Variants in CADPS2 observed in about 807,000 individuals in gnomAD.
The protein encoded by CADPS2 is calcium-dependent secretion activator 2.
Under a neutral mutation model 172.5 loss-of-function variants are expected in CADPS2, and 93 were observed. The observed-to-expected ratio is 0.54, with a 90% CI of 0.46 to 0.64. CADPS2 has a LOEUF of 0.64. Ranked by LOEUF, CADPS2 falls within the 30% of genes least tolerant of loss-of-function variation. CADPS2 has a pLI of 0.00. For missense variants in CADPS2, 1,420 were observed against 1,565.9 expected (o/e 0.91, Z 1.57); for synonymous variants, 546 against 555.2 (o/e 0.98, Z 0.23).
intron 17 of CADPS2, among the ~76,000 whole-genome samples, chr7:122,435,595 T>C (rs181927100): frequency 1.7e-3 from 266 of 152,254 alleles, no homozygotes; most frequent in African/African-American, 5.9e-3. Flanking sequence ...GTGCAGCCAC[T>C]ATGAAAAATA....
At chr7:122,625,360 T>A (rs989892675) in intron 4 of CADPS2, among the ~76,000 whole-genome samples, 1 of 152,198 alleles carries the variant, frequency 6.6e-6, no homozygotes, top group Non-Finnish European at 1.5e-5. Context: ...CAATTAATTT[T>A]GTTTGTCAGT....
chr7:122,388,494 G>A, intron 23 of CADPS2, 89 bp downstream of exon 23: 7 of 1,266,834 alleles, frequency 5.5e-6, no homozygotes, highest in Non-Finnish European at 7.4e-6. Flanking sequence ...TGAAACCTTT[G>A]CTGTGACAAT....
chr7:122,502,479 A>G (rs1379295737), intron 9 of CADPS2, among the ~76,000 whole-genome samples: 3 of 151,978 alleles, frequency 2.0e-5, no homozygotes, highest in African/African-American at 7.2e-5. Context: ...AGTTTCTTTA[A>G]AAGTTTTAAA....
intron 1 of CADPS2, among the ~76,000 whole-genome samples, chr7:122,761,855 G>T (rs150955406): frequency 6.7e-6 from 1 of 149,620 alleles, no homozygotes; most frequent in African/African-American, 2.5e-5. Context: ...AAAATTAGCC[G>T]GGTGTGGTGG....
Position 122,595,160 on chromosome 7 carries a change from CAA to C in CADPS2, c.1224-13872_1224-13871del, listed in dbSNP as rs36106438. Reference sequence around the variant, plus strand: ...AAAGAGTTAGATGTGTTATATGAACCAAAAAAAAAAAAATCCTTTCAAATGTA... The same window carrying C: ...AAAGAGTTAGATGTGTTATATGAACCAAAAAAAAAAATCCTTTCAAATGTA... On this transcript the variant is annotated intron_variant, in intron 6 of 29. Coordinates refer to ENST00000449022, the MANE Select transcript of CADPS2 (RefSeq NM_017954.11). Among the ~76,000 whole-genome samples the C allele has an allele frequency of 1.6e-3, 210 of 131,286 alleles. 2 individuals are homozygous for C. Among genetic ancestry groups the C allele is most frequent in the Admixed American group, 0.013 (164 of 12,952 alleles). 86.1% of individuals were successfully genotyped at this position (131,286 alleles called of 152,430 possible). A position where few individuals can be genotyped will look rare whatever the true frequency, so the allele number is the denominator to read the frequency against.
At chr7:122,696,349 G>C (rs1267059134) in intron 2 of CADPS2, among the ~76,000 whole-genome samples, 1 of 152,144 alleles carries the variant, frequency 6.6e-6, no homozygotes, top group African/African-American at 2.4e-5. Context: ...TTTCAAAGAA[G>C]AGCTCTTGTG....
intron 13 of CADPS2, among the ~76,000 whole-genome samples, chr7:122,472,388 T>C (rs1260979393): frequency 6.6e-6 from 1 of 152,018 alleles, no homozygotes; most frequent in Non-Finnish European, 1.5e-5. Context: ...AGAAGAACCA[T>C]CAGGTGTGGT....
chr7:122,328,997 T>C (rs2034443386), intron 28 of CADPS2, among the ~76,000 whole-genome samples: 1 of 152,124 alleles, frequency 6.6e-6, no homozygotes, highest in African/African-American at 2.4e-5. Flanking sequence ...GAAGGTGGTA[T>C]TGACAATGAA....
intron 2 of CADPS2, among the ~76,000 whole-genome samples, chr7:122,726,716 T>C (rs1170649214): frequency 2.2e-5 from 3 of 139,476 alleles, no homozygotes; most frequent in Non-Finnish European, 3.1e-5. Flanking sequence ...TTAAAAACTT[T>C]TAAAAAAGAA....
In CADPS2 at chr7:122,880,260, T is replaced by A. The variant is rs959290090; in HGVS notation, c.339+5739A>T. Among the ~76,000 whole-genome samples, 3 of 152,274 alleles carry A rather than the reference T, an allele frequency of 2.0e-5. No homozygotes were observed. In the East Asian group the frequency reaches 5.8e-4, roughly 29 times the overall value. On this transcript the variant is annotated intron_variant, in intron 1 of 29. Coordinates refer to ENST00000449022, the MANE Select transcript of CADPS2 (RefSeq NM_017954.11). ...CTTACCCTAAGCATTCAATATATAC[T>A]TTCTGTTGCTAATGTGGTGATTTAT...
chr7:122,509,875 ACTTG>A (rs1419010760), intron 9 of CADPS2, among the ~76,000 whole-genome samples: 1 of 152,164 alleles, frequency 6.6e-6, no homozygotes, highest in East Asian at 1.9e-4. Context: ...GCCACAAAGT[ACTTG>A]CTTAATAAGT....
intron 27 of CADPS2, among the ~76,000 whole-genome samples, chr7:122,353,375 A>G (rs1227722609): frequency 1.3e-5 from 2 of 152,160 alleles, no homozygotes; most frequent in Non-Finnish European, 2.9e-5. Flanking sequence ...GATAAGAGAA[A>G]GATTAGCCAT....
At chr7:122,801,557 T>C (rs1797652227) in intron 1 of CADPS2, among the ~76,000 whole-genome samples, 1 of 152,188 alleles carries the variant, frequency 6.6e-6, no homozygotes, top group Admixed American at 6.5e-5. Context: ...ATATTACACA[T>C]GTTCCCATTA....
intron 2 of CADPS2, 105 bp downstream of exon 2, chr7:122,736,850 T>A (rs1446130403): frequency 1.6e-6 from 1 of 629,778 alleles, no homozygotes; most frequent in Non-Finnish European, 2.8e-6. Context: ...ATTCACAGCC[T>A]TCCTGTCAGA....
chr7:122,580,387 G>A (rs1182109300), intron 7 of CADPS2, among the ~76,000 whole-genome samples: 1 of 151,042 alleles, frequency 6.6e-6, no homozygotes, highest in Non-Finnish European at 1.5e-5. Context: ...TCTAGGAGGT[G>A]GGTTGCAATG....
intron 7 of CADPS2, among the ~76,000 whole-genome samples, chr7:122,571,084 G>C (rs1173018508): frequency 2.0e-5 from 3 of 152,034 alleles, no homozygotes; most frequent in Middle Eastern, 3.4e-3. Context: ...CAAAGACTGA[G>C]AGAAAAGTAT....
At chr7:122,642,545 C>A (rs927395363) in intron 3 of CADPS2, among the ~76,000 whole-genome samples, 5 of 48,354 alleles carry the variant, frequency 1.0e-4, no homozygotes, top group Admixed American at 6.1e-4. Context: ...TTTCACCCAA[C>A]AGCTTTTTTT....
rs902401244 is a variant in CADPS2, at chr7:122,491,481, GTTTT to G, written c.1543-65_1543-62del. ...ATTAAATTTACCAAATTTAACTTTC[GTTTT>G]TTTATCAAAATACTCTTTTCCCAAT... is the stretch of plus-strand genomic sequence containing the variant. On this transcript the variant is annotated intron_variant, in intron 9 of 29. Coordinates refer to ENST00000449022, the MANE Select transcript of CADPS2 (RefSeq NM_017954.11). The G allele has an allele frequency of 9.8e-5, 79 of 805,170 alleles. No individual in the cohort carries two copies. In the Admixed American group the frequency reaches 1.0e-3, roughly 10 times the overall value. The allele number at this position is 805,170 out of a possible 1,614,324, so 49.9% of individuals were successfully genotyped here.
intron 20 of CADPS2, among the ~76,000 whole-genome samples, chr7:122,398,723 A>G (rs183758914): frequency 2.2e-4 from 33 of 151,636 alleles, no homozygotes; most frequent in African/African-American, 7.7e-4. Flanking sequence ...AGCATTATGT[A>G]AAAGGAAAAC....
Sources: allele counts gnomAD v4.1 joint callset (sites outside exome capture counted in the v4.1 genomes callset), GRCh38; gene constraint gnomAD v4.1.1; transcripts MANE v1.5; gene names NCBI Gene and HGNC (gene_info 2026-07-23, HGNC 2026-07-21).